GRIK2: variants seen among roughly 807,000 people sequenced by gnomAD.
The protein encoded by GRIK2 is glutamate receptor ionotropic, kainate 2.
Under a neutral mutation model 100.3 loss-of-function variants are expected in GRIK2, and 32 were observed. The ratio of observed to expected loss-of-function variants is 0.32; its 90% confidence interval spans 0.24 to 0.43. The LOEUF (loss-of-function observed/expected upper bound fraction) is 0.43. Among genes scored for constraint, GRIK2 ranks in the 20% least tolerant of loss-of-function variants. GRIK2 has a pLI of 1.00. For missense variants in GRIK2, 843 were observed against 1,114.9 expected (o/e 0.76, Z 3.47); for synonymous variants, 417 against 389.4 (o/e 1.07, Z -0.83).
In GRIK2 at chr6:101,817,390, G is replaced by A. The variant is rs139562424; in HGVS notation, c.1204-980G>A. Among the ~76,000 whole-genome samples, 427 of 152,292 alleles carry A rather than the reference G, an allele frequency of 2.8e-3. 4 individuals carry two copies. Among genetic ancestry groups the A allele is most frequent in the African/African-American group, 9.8e-3 (406 of 41,580 alleles). The stretch of plus-strand genomic sequence containing the variant: ...GACTTATTTTAAAGATAATTTGATA[G>A]TTTTCCTTTTCTTTGAGAAAAATAA... On this transcript the variant is annotated intron_variant, in intron 9 of 16. Coordinates refer to ENST00000369134, the MANE Select transcript of GRIK2 (RefSeq NM_021956.5).
intron 2 of GRIK2, among the ~76,000 whole-genome samples, chr6:101,537,720 T>C (rs186893229): frequency 6.3e-4 from 95 of 151,894 alleles, no homozygotes; most frequent in East Asian, 4.1e-3. Context: ...CTAGAGTCAT[T>C]AGATGACCTC....
At chr6:102,012,812 G>A (rs1408885953) in intron 14 of GRIK2, among the ~76,000 whole-genome samples, 1 of 152,130 alleles carries the variant, frequency 6.6e-6, no homozygotes, top group Non-Finnish European at 1.5e-5. Context: ...TTGTGTACCA[G>A]TACCACCCTG....
intron 2 of GRIK2, among the ~76,000 whole-genome samples, chr6:101,521,219 T>C (rs1297218864): frequency 6.6e-6 from 1 of 152,040 alleles, no homozygotes; most frequent in East Asian, 1.9e-4. Context: ...TTTCCACATT[T>C]ATTTTTGCGG....
At chr6:101,968,483 G>A (rs1792838267) in intron 14 of GRIK2, among the ~76,000 whole-genome samples, 1 of 151,996 alleles carries the variant, frequency 6.6e-6, no homozygotes, top group African/African-American at 2.4e-5. Context: ...CTGGTCAATA[G>A]AAGGTCAGTC....
At chr6:101,804,952 T>G (rs4840196) in intron 9 of GRIK2, among the ~76,000 whole-genome samples, 1 of 151,782 alleles carries the variant, frequency 6.6e-6, no homozygotes, top group Admixed American at 6.6e-5. Context: ...TAGAATAGTT[T>G]ACAGCTCAAG....
chr6:102,039,885 T>C (rs1220454138), intron 15 of GRIK2, among the ~76,000 whole-genome samples: 1 of 151,566 alleles, frequency 6.6e-6, no homozygotes, highest in African/African-American at 2.4e-5. Flanking sequence ...GTGTCCTCTT[T>C]CTTTCATGTA....
chr6:102,029,760 AT>A (rs1219738035), intron 14 of GRIK2, among the ~76,000 whole-genome samples: 1 of 150,944 alleles, frequency 6.6e-6, no homozygotes, highest in African/African-American at 2.4e-5. Context: ...ACATTGCCTT[AT>A]TTTTTTTCAG....
intron 10 of GRIK2, among the ~76,000 whole-genome samples, chr6:101,855,531 A>AAATC (rs1025219624): frequency 5.9e-5 from 9 of 152,214 alleles, no homozygotes; most frequent in South Asian, 2.1e-4. Context: ...CCTGTCAGAA[A>AAATC]AATCAATCAA....
At chr6:101,793,979 T>A (rs145319561) in intron 7 of GRIK2, among the ~76,000 whole-genome samples, 2,829 of 152,206 alleles carry the variant, frequency 0.019, 87 homozygotes, top group African/African-American at 0.065. Context: ...GTGCTAGCAA[T>A]CAGCGAGACT....
chr6:101,495,000 T>TATATATATATATATATA (rs71547431), intron 2 of GRIK2, among the ~76,000 whole-genome samples: 1 of 142,282 alleles, frequency 7.0e-6, no homozygotes, highest in East Asian at 2.1e-4. Flanking sequence ...TATATATATA[T>TATATATATATATATATA]GAAGGAAAAT....
At chr6:101,803,775 C>T (rs1372799530) in intron 9 of GRIK2, among the ~76,000 whole-genome samples, 1 of 151,896 alleles carries the variant, frequency 6.6e-6, no homozygotes, top group African/African-American at 2.4e-5. Flanking sequence ...AGATCCATTC[C>T]TGTCTTGAAT....
At chr6:101,890,713 T>C (rs1786996057) in intron 12 of GRIK2, among the ~76,000 whole-genome samples, 1 of 152,084 alleles carries the variant, frequency 6.6e-6, no homozygotes, top group African/African-American at 2.4e-5. Flanking sequence ...TTTATAATCA[T>C]GTTTATTTAT....
At chr6:101,989,047 A>G (rs891472010) in intron 14 of GRIK2, among the ~76,000 whole-genome samples, 6 of 152,024 alleles carry the variant, frequency 3.9e-5, no homozygotes, top group South Asian at 2.1e-4. Context: ...ATTTTTGTCA[A>G]TCTTGTTCTA....
At chr6:101,701,310 C>T (rs1247557842) in intron 7 of GRIK2, among the ~76,000 whole-genome samples, 1 of 151,984 alleles carries the variant, frequency 6.6e-6, no homozygotes, top group Non-Finnish European at 1.5e-5. Flanking sequence ...TACTTTAGTG[C>T]CCTTGTTTCT....
intron 12 of GRIK2, among the ~76,000 whole-genome samples, chr6:101,920,671 T>C (rs1789429306): frequency 6.7e-6 from 1 of 150,250 alleles, no homozygotes; most frequent in Admixed American, 6.7e-5. Context: ...GAGTGAAGAG[T>C]AGGGAATTAC....
chr6:101,629,346 T>C (rs930053842), intron 4 of GRIK2, among the ~76,000 whole-genome samples: 14 of 152,098 alleles, frequency 9.2e-5, no homozygotes, highest in African/African-American at 3.4e-4. Flanking sequence ...ATAAAACATA[T>C]TGCTGTTCCA....
intron 10 of GRIK2, among the ~76,000 whole-genome samples, chr6:101,846,106 GT>G (rs1398185128): frequency 6.6e-6 from 1 of 151,494 alleles, no homozygotes; most frequent in African/African-American, 2.4e-5. Context: ...CCATTCTTTA[GT>G]TTGTCTTTTC....
rs757013265 is a variant in GRIK2 at position 101,799,768 on chromosome 6, C to T, written c.1072C>T (p.Arg358Cys). Residue 358 changes from arginine (R) to cysteine (C), a missense_variant, in exon 8 of 17, where the codon CGC becomes TGC. By Grantham distance (180) the Arg-to-Cys change is radical. Coordinates refer to ENST00000369134, the MANE Select transcript of GRIK2 (RefSeq NM_021956.5). ...ACATAAACCCTGGCGCTTCGGGACC[C>T]GCTTTATGAGTCTAATTAAAGAGGT... is the stretch of plus-strand genomic sequence containing the variant. ...NRHKPWRFGT[R>C]FMSLIKEAHW... The T allele has an allele frequency of 1.2e-5, 19 of 1,613,172 alleles. No individual in the cohort carries two copies. Among genetic ancestry groups the T allele is most frequent in the African/African-American group, 2.7e-5 (2 of 74,870 alleles).
intron 7 of GRIK2, among the ~76,000 whole-genome samples, chr6:101,761,608 A>G (rs558017080): frequency 2.6e-5 from 4 of 152,232 alleles, no homozygotes; most frequent in Admixed American, 6.5e-5. Flanking sequence ...ACAAATCACT[A>G]TCTTACACAA....
Sources: allele counts gnomAD v4.1 joint callset (sites outside exome capture counted in the v4.1 genomes callset), GRCh38; gene constraint gnomAD v4.1.1; transcripts MANE v1.5; gene names NCBI Gene and HGNC (gene_info 2026-07-23, HGNC 2026-07-21).